EXOC6B: variants seen among roughly 807,000 people sequenced by gnomAD.
EXOC6B encodes the protein SEC15 homolog B.
In EXOC6B, 54 loss-of-function variants were observed where a neutral mutation model predicts 113.5. The ratio of observed to expected loss-of-function variants is 0.48; its 90% CI spans 0.38 to 0.60. EXOC6B has a LOEUF of 0.60. Among genes scored for constraint, EXOC6B ranks in the 20% least tolerant of loss-of-function variants. EXOC6B has a pLI of 0.00. For missense variants in EXOC6B, 797 were observed against 977.5 expected, an observed-to-expected ratio of 0.82 and a Z score of 2.46; for synonymous variants, 357 against 339.0, an observed-to-expected ratio of 1.05 and a Z score of -0.58.
chr2:72,299,129 C>G (rs1040163359), intron 20 of EXOC6B, among the ~76,000 whole-genome samples: 1 of 152,030 alleles, frequency 6.6e-6, no homozygotes, highest in Non-Finnish European at 1.5e-5. Flanking sequence ...ACCAATCAGA[C>G]GTAGATTTGG....
chr2:72,238,793 A>T (rs1424181628), intron 20 of EXOC6B, among the ~76,000 whole-genome samples: 1 of 152,210 alleles, frequency 6.6e-6, no homozygotes, highest in African/African-American at 2.4e-5. Flanking sequence ...TATTCTAGAT[A>T]TAAGTTCCTT....
In EXOC6B at chr2:72,731,145, A is replaced by T. The variant is rs1680616207; in HGVS notation, c.418+10T>A. 2 of 1,609,142 alleles carry T rather than the reference A, an allele frequency of 1.2e-6. No individual in the cohort carries two copies. Among genetic ancestry groups the T allele is most frequent in the Admixed American group, 3.4e-5 (2 of 59,462 alleles). On this transcript the variant is annotated intron_variant, in intron 4 of 21. Transcript: ENST00000272427. The stretch of plus-strand genomic sequence containing the variant: ...ACACCAAGAATCCTTCTCCATTTCC[A>T]GTTCCTCACCTGGAAGACACAGCAT...
intron 20 of EXOC6B, among the ~76,000 whole-genome samples, chr2:72,211,249 A>C (rs1278494320): frequency 1.3e-5 from 2 of 152,124 alleles, no homozygotes; most frequent in East Asian, 3.9e-4. Flanking sequence ...CAATTTCTCC[A>C]AAAAAATGAA....
At chr2:72,569,124 T>C (rs1704371845) in intron 7 of EXOC6B, among the ~76,000 whole-genome samples, 1 of 152,062 alleles carries the variant, frequency 6.6e-6, no homozygotes, top group African/African-American at 2.4e-5. Context: ...CCTTTTGGTA[T>C]TTCATTATAT....
At chr2:72,785,138 A>G (rs1250927365) in intron 1 of EXOC6B, among the ~76,000 whole-genome samples, 2 of 152,232 alleles carry the variant, frequency 1.3e-5, no homozygotes, top group Non-Finnish European at 2.9e-5. Context: ...CAGGTCTCAC[A>G]TCCAAGTCAC....
rs75341482 is a variant in EXOC6B at position 72,344,832 on chromosome 2, A to G, written c.2123-9812T>C. ...AAAAAAAATGAAGAGAAGTAGGGGG[A>G]AAAAAAAGCACAAGCCCTTTAAATC... On this transcript the variant is annotated intron_variant, in intron 19 of 21. Coordinates refer to ENST00000272427, the MANE Select transcript of EXOC6B (RefSeq NM_015189.3). 5.5e-3 allele frequency among the ~76,000 whole-genome samples: 836 copies of G among 151,670 alleles called. 7 individuals are homozygous for G. The highest frequency in any genetic ancestry group is 0.02 in the African/African-American group (807 of 41,284).
intron 20 of EXOC6B, among the ~76,000 whole-genome samples, chr2:72,246,316 A>G (rs1477469320): frequency 6.6e-6 from 1 of 152,128 alleles, no homozygotes; most frequent in Non-Finnish European, 1.5e-5. Flanking sequence ...CCCCTTTCAT[A>G]GAATCCAACT....
At chr2:72,360,828 T>C (rs1343157304) in intron 19 of EXOC6B, among the ~76,000 whole-genome samples, 1 of 149,006 alleles carries the variant, frequency 6.7e-6, no homozygotes, top group Non-Finnish European at 1.5e-5. Context: ...AAAGAAATCA[T>C]GGAACCTCAG....
intron 8 of EXOC6B, 188 bp from the exon 9 acceptor site, chr2:72,515,314 A>C: frequency 4.5e-6 from 4 of 885,352 alleles, no homozygotes; most frequent in Non-Finnish European, 6.7e-6. Context: ...CCTTAGTTAC[A>C]AACCTGTAAG....
rs762808048 is a variant in EXOC6B at position 72,822,254 on chromosome 2, T to G, written c.113+3544A>C. ...TATTTTAAAAACAGGACAGGCAGGC[T>G]TTAACATCTTACAGGCCTCTTTCCA... On this transcript the variant is annotated intron_variant, in intron 1 of 21. Transcript: ENST00000272427. Among the ~76,000 whole-genome samples, 3 of 152,216 alleles carry G rather than the reference T, an allele frequency of 2.0e-5. No individual in the cohort carries two copies. The South Asian group carries it at 6.2e-4, about 31-fold the overall frequency.
At chr2:72,655,531 G>A (rs1378169672) in intron 6 of EXOC6B, among the ~76,000 whole-genome samples, 3 of 151,824 alleles carry the variant, frequency 2.0e-5, no homozygotes, top group East Asian at 1.9e-4. Context: ...TCAGATTTAC[G>A]GTGGTTCCAA....
intron 16 of EXOC6B, among the ~76,000 whole-genome samples, chr2:72,489,389 C>T (rs1558723225): frequency 6.6e-6 from 1 of 152,094 alleles, no homozygotes; most frequent in Non-Finnish European, 1.5e-5. Flanking sequence ...AACAAATTAT[C>T]TTAATAGAAC....
At chr2:72,434,318 G>A (rs1695723256) in intron 18 of EXOC6B, among the ~76,000 whole-genome samples, 1 of 152,160 alleles carries the variant, frequency 6.6e-6, no homozygotes, top group Admixed American at 6.6e-5. Context: ...GTATTTTATT[G>A]AGGATTTTTT....
intron 6 of EXOC6B, among the ~76,000 whole-genome samples, chr2:72,672,021 T>G (rs933646557): frequency 6.6e-6 from 1 of 151,966 alleles, no homozygotes. Context: ...GAATTACTTT[T>G]ATCAAAAAGA....
chr2:72,417,813 A>T (rs1347309803), intron 18 of EXOC6B, among the ~76,000 whole-genome samples: 1 of 152,066 alleles, frequency 6.6e-6, no homozygotes, highest in Non-Finnish European at 1.5e-5. Context: ...TGTAATGTTT[A>T]TATCGCAATA....
At chr2:72,742,291 T>G (rs1681369643) in intron 1 of EXOC6B, among the ~76,000 whole-genome samples, 1 of 150,952 alleles carries the variant, frequency 6.6e-6, no homozygotes, top group Non-Finnish European at 1.5e-5. Flanking sequence ...TAGATGATTC[T>G]CATGTGTATA....
intron 8 of EXOC6B, among the ~76,000 whole-genome samples, chr2:72,524,341 A>C (rs1178616437): frequency 3.3e-5 from 5 of 152,086 alleles, no homozygotes; most frequent in African/African-American, 4.8e-5. Context: ...GACTACAAAA[A>C]TATGTGAAAA....
At chr2:72,530,761 G>A (rs1701961403) in intron 8 of EXOC6B, among the ~76,000 whole-genome samples, 1 of 151,656 alleles carries the variant, frequency 6.6e-6, no homozygotes, top group African/African-American at 2.4e-5. Flanking sequence ...TGTTGTTTGG[G>A]GCATAATCAT....
chr2:72,362,943 T>C (rs1440146786), intron 19 of EXOC6B, among the ~76,000 whole-genome samples: 1 of 152,104 alleles, frequency 6.6e-6, no homozygotes, highest in African/African-American at 2.4e-5. Context: ...ATTTTGAATA[T>C]GCAAAGAGAA....
Sources: gnomAD v4.1 joint callset for allele counts (sites outside exome capture counted in the v4.1 genomes callset) on GRCh38, gnomAD v4.1.1 for gene constraint, MANE v1.5 for transcripts, NCBI Gene and HGNC (gene_info 2026-07-23, HGNC 2026-07-21) for gene names.